Variants in GLI3 observed in about 807,000 individuals in gnomAD.
GLI3 encodes transcription activator GLI3.
In GLI3, 20 loss-of-function variants were observed where a neutral mutation model predicts 100.8. The observed-to-expected ratio is 0.20, with a 90% confidence interval of 0.14 to 0.29. The LOEUF is 0.29. Among genes scored for constraint, GLI3 ranks in the 10% least tolerant of loss-of-function variants. The pLI, the probability that GLI3 is intolerant of heterozygous loss-of-function variation, is 1.00. For missense variants in GLI3, 2,040 were observed against 2,128.5 expected, an observed-to-expected ratio of 0.96 and a Z score of 0.82; for synonymous variants, 938 against 860.5, an observed-to-expected ratio of 1.09 and a Z score of -1.58.
upstream of GLI3, among the ~76,000 whole-genome samples, chr7:42,239,187 T>C (rs1028222562): frequency 6.6e-5 from 10 of 152,190 alleles, no homozygotes; most frequent in African/African-American, 2.4e-4. Flanking sequence ...AAAACACCAC[T>C]GACTCATCGC....
intron 2 of GLI3, among the ~76,000 whole-genome samples, chr7:42,204,198 T>C (rs1479559886): frequency 6.6e-6 from 1 of 151,978 alleles, no homozygotes. Flanking sequence ...CATATACCTC[T>C]CCATTCACAT....
Position 41,965,560 on chromosome 7 carries a change from G to T in GLI3, c.3513C>A (p.Asp1171Glu). The change falls in exon 15 of 15, where the codon GAC becomes GAA. Residue 1171 changes from aspartate to glutamate, a missense_variant. Asp to Glu is a conservative substitution (Grantham distance 45). Around this residue, in one of 5 missense-constraint regions of GLI3, gnomAD observed 1,041 missense variants for 924.0 expected, o/e 1.13. Transcript: ENST00000395925. ...CACACTTGAGCTTGGAGGAGGACAG[G>T]TCGGCGCTTCCGGAGCTGACTTCGT... ...QWNEVSSGSADLSSSKLKCGP... is the reference protein window; with the variant it reads ...QWNEVSSGSAELSSSKLKCGP... 1.2e-6 allele frequency: 2 copies of T among 1,605,422 alleles called. No individual in the cohort carries two copies. Among genetic ancestry groups the T allele is most frequent in the Non-Finnish European group, 1.7e-6 (2 of 1,173,154 alleles).
Position 42,040,070 on chromosome 7 carries a change from G to A in GLI3, c.996C>T (p.Gly332=). 1.9e-6 allele frequency: 3 copies of A among 1,613,808 alleles called. No individual in the cohort carries two copies. The highest frequency in any genetic ancestry group is 2.5e-6 in the Non-Finnish European group (3 of 1,179,698). The change falls in exon 7 of 15, where the codon GGC becomes GGT. Residue 332 remains glycine, a synonymous_variant. Coordinates refer to ENST00000395925, the MANE Select transcript of GLI3 (RefSeq NM_000168.6). Reference sequence around the variant, plus strand: ...CACTTGCAGATAAGTGACCATAGGAGCCACTTGCTGAAGAGCTGCTACGGG... The same window carrying A: ...CACTTGCAGATAAGTGACCATAGGAACCACTTGCTGAAGAGCTGCTACGGG... ...NNSRSSSSAS[G]SYGHLSASAI...
intron 2 of GLI3, among the ~76,000 whole-genome samples, chr7:42,183,010 C>A (rs1214624684): frequency 6.6e-6 from 1 of 151,946 alleles, no homozygotes; most frequent in East Asian, 1.9e-4. Flanking sequence ...CACTTGAGGC[C>A]AGGAGTTCAA....
chr7:42,022,927 C>T (rs1788984435), intron 10 of GLI3, among the ~76,000 whole-genome samples: 1 of 152,084 alleles, frequency 6.6e-6, no homozygotes, highest in Non-Finnish European at 1.5e-5. Context: ...CATTTAAAAA[C>T]ACTTACAACT....
At chr7:41,990,534 T>G (rs1163425737) in intron 10 of GLI3, among the ~76,000 whole-genome samples, 1 of 152,234 alleles carries the variant, frequency 6.6e-6, no homozygotes, top group Non-Finnish European at 1.5e-5. Flanking sequence ...AATCAGCTCT[T>G]GAACTGGCCT....
intron 4 of GLI3, among the ~76,000 whole-genome samples, chr7:42,054,414 T>C (rs2128744615): frequency 6.6e-6 from 1 of 152,324 alleles, no homozygotes; most frequent in East Asian, 1.9e-4. Flanking sequence ...TGCCAGATTA[T>C]TACAATTTGC....
chr7:42,194,665 T>C (rs889991476), intron 2 of GLI3, among the ~76,000 whole-genome samples: 8 of 151,916 alleles, frequency 5.3e-5, no homozygotes, highest in African/African-American at 1.9e-4. Flanking sequence ...CCAGGTAGCA[T>C]CTTTGACTCT....
chr7:42,145,734 T>C (rs1388744974), intron 3 of GLI3: 1 of 396,842 alleles, frequency 2.5e-6, no homozygotes, highest in South Asian at 1.4e-4. Context: ...AGGAGGATGA[T>C]GATGTAGAAG....
chr7:42,234,530 T>G, intron 1 of GLI3, among the ~76,000 whole-genome samples: 1 of 152,240 alleles, frequency 6.6e-6, no homozygotes. Flanking sequence ...GTATTGAATT[T>G]TCTCATTTCT....
At chr7:42,134,244 C>T (rs755202454) in intron 3 of GLI3, among the ~76,000 whole-genome samples, 6 of 152,070 alleles carry the variant, frequency 3.9e-5, no homozygotes, top group East Asian at 1.9e-4. Context: ...CTGATGTCTG[C>T]GCTCCCAGAC....
chr7:42,182,644 G>GTA (rs764864618), intron 2 of GLI3, among the ~76,000 whole-genome samples: 6,587 of 51,176 alleles, frequency 0.13, 298 homozygotes, highest in East Asian at 0.16. Context: ...ATATGTGTGT[G>GTA]TATATATATA....
At position 41,967,940 on chromosome 7, in the gene GLI3, GA is replaced by G; in HGVS notation, c.2104-18del. The stretch of plus-strand genomic sequence containing the variant: ...CTGAGATGTCTGTTGGGGTCAAGTG[GA>G]AAGGAAAGAAATGTCACCAGGGAGG... On this transcript the variant is annotated intron_variant, in intron 13 of 14. Coordinates refer to ENST00000395925, the MANE Select transcript of GLI3 (RefSeq NM_000168.6). 1 of 1,604,494 alleles carries G rather than the reference GA, an allele frequency of 6.2e-7. No individual in the cohort carries two copies. Among genetic ancestry groups the G allele is most frequent in the East Asian group, 2.2e-5 (1 of 44,842 alleles).
intron 4 of GLI3, among the ~76,000 whole-genome samples, chr7:42,050,551 CATTT>C (rs1281861450): frequency 6.6e-6 from 1 of 152,206 alleles, no homozygotes; most frequent in African/African-American, 2.4e-5. Context: ...CTAATTCATT[CATTT>C]ATTCTTCACA....
chr7:42,052,680 A>C (rs1016691214), intron 4 of GLI3, among the ~76,000 whole-genome samples: 7 of 152,128 alleles, frequency 4.6e-5, no homozygotes, highest in Non-Finnish European at 7.4e-5. Flanking sequence ...TTCTAAACTC[A>C]GAAAAAAAAA....
chr7:42,244,759 G>A (rs549793917), intron 1 of GLI3, among the ~76,000 whole-genome samples: 1 of 151,892 alleles, frequency 6.6e-6, no homozygotes, highest in Admixed American at 6.6e-5. Flanking sequence ...TGGGTAGATA[G>A]CCATCAAAGT....
chr7:42,167,105 A>G (rs1001217614), intron 2 of GLI3, among the ~76,000 whole-genome samples: 3 of 152,056 alleles, frequency 2.0e-5, no homozygotes, highest in African/African-American at 7.2e-5. Context: ...GGGATTGCAG[A>G]CATGAGCCAC....
In GLI3 at chr7:42,204,293, A is replaced by G. The variant is rs554204184; in HGVS notation, c.124+18837T>C. On this transcript the variant is annotated intron_variant, in intron 2 of 14. Transcript: ENST00000395925. ...TTGGTACCATTTCCCCAAACCACCGAGAATGCTCATGCTTTAAGTATTTGC... is the reference window on the plus strand; with the variant it reads ...TTGGTACCATTTCCCCAAACCACCGGGAATGCTCATGCTTTAAGTATTTGC... Among the ~76,000 whole-genome samples, 9 of 152,142 alleles carry G rather than the reference A, an allele frequency of 5.9e-5. No individual in the cohort carries two copies. The South Asian group carries it at 1.9e-3, about 32-fold the overall frequency.
At chr7:42,165,013 GC>G (rs1442623070) in intron 2 of GLI3, among the ~76,000 whole-genome samples, 1 of 151,566 alleles carries the variant, frequency 6.6e-6, no homozygotes, top group African/African-American at 2.4e-5. Flanking sequence ...AGCGACACGT[GC>G]CTGTAATTCC....
Sources: allele counts gnomAD v4.1 joint callset (sites outside exome capture counted in the v4.1 genomes callset), GRCh38; gene constraint gnomAD v4.1.1; regional missense constraint gnomAD v4.1.1; transcripts MANE v1.5; gene names NCBI Gene and HGNC (gene_info 2026-07-23, HGNC 2026-07-21).